The following PCDH9 variants were observed in gnomAD, a reference collection of about 807,000 sequenced individuals.
PCDH9 encodes protocadherin-9.
In PCDH9, 24 loss-of-function variants were observed where a neutral mutation model predicts 70.6. The ratio of observed to expected loss-of-function variants is 0.34; its 90% CI spans 0.25 to 0.48. The LOEUF (loss-of-function observed/expected upper bound fraction) is 0.48, where lower values mean the gene tolerates loss of function less well. Among genes scored for constraint, PCDH9 ranks in the 20% least tolerant of loss-of-function variants. The pLI, the probability that PCDH9 is intolerant of heterozygous loss-of-function variation, is 0.99. For missense variants in PCDH9, 1,281 were observed against 1,503.6 expected, an observed-to-expected ratio of 0.85 and a Z score of 2.45; for synonymous variants, 562 against 558.5, an observed-to-expected ratio of 1.01 and a Z score of -0.09.
intron 3 of PCDH9, among the ~76,000 whole-genome samples, chr13:66,682,493 A>T (rs2078341880): frequency 6.6e-6 from 1 of 152,070 alleles, no homozygotes; most frequent in Non-Finnish European, 1.5e-5. Flanking sequence ...TGTTCATTGC[A>T]GAATTTTTTC....
chr13:67,068,580 T>G (rs1242425169), intron 2 of PCDH9, among the ~76,000 whole-genome samples: 1 of 152,178 alleles, frequency 6.6e-6, no homozygotes, highest in Non-Finnish European at 1.5e-5. Context: ...AAATATTAAA[T>G]AGCCTGTTTC....
At chr13:66,727,594 G>C (rs1459100000) in intron 3 of PCDH9, among the ~76,000 whole-genome samples, 2 of 152,042 alleles carry the variant, frequency 1.3e-5, no homozygotes, top group Non-Finnish European at 2.9e-5. Context: ...TACTATGTTT[G>C]TGTGTGCCTA....
At chr13:66,995,575 G>T (rs2084097112) in intron 2 of PCDH9, among the ~76,000 whole-genome samples, 1 of 152,158 alleles carries the variant, frequency 6.6e-6, no homozygotes, top group Non-Finnish European at 1.5e-5. Context: ...AGTTAGAATT[G>T]TTCCATGTTT....
At chr13:66,358,366 G>A (rs2138187728) in intron 4 of PCDH9, among the ~76,000 whole-genome samples, 1 of 151,814 alleles carries the variant, frequency 6.6e-6, no homozygotes, top group South Asian at 2.1e-4. Context: ...AAGTAATTTA[G>A]CAGATTTCAT....
At position 66,515,705 on chromosome 13, in the gene PCDH9, T is replaced by C. The variant is rs550260863; in HGVS notation, c.3340+115505A>G. Among the ~76,000 whole-genome samples the C allele has an allele frequency of 6.8e-4, 104 of 152,088 alleles. 2 individuals carry two copies. In the South Asian group the frequency reaches 0.021, roughly 31 times the overall value. ...TAATTATAAAAGGAAAAACAGAACATACAATTTAACAAGAATGTAAATAGT... is the reference window on the plus strand; with the variant it reads ...TAATTATAAAAGGAAAAACAGAACACACAATTTAACAAGAATGTAAATAGT... On this transcript the variant is annotated intron_variant, in intron 4 of 4. Coordinates refer to ENST00000377865, the MANE Select transcript of PCDH9 (RefSeq NM_203487.3).
At chr13:66,353,717 A>C (rs2138177194) in intron 4 of PCDH9, among the ~76,000 whole-genome samples, 1 of 152,218 alleles carries the variant, frequency 6.6e-6, no homozygotes, top group African/African-American at 2.4e-5. Flanking sequence ...TCATAGTTGT[A>C]AAATGTAATA....
chr13:66,945,573 CT>C (rs1264255591), intron 2 of PCDH9, among the ~76,000 whole-genome samples: 1 of 151,992 alleles, frequency 6.6e-6, no homozygotes, highest in African/African-American at 2.4e-5. Context: ...TTTCTTTTAA[CT>C]TTATAAAATG....
At chr13:66,667,974 A>C (rs1478032440) in intron 3 of PCDH9, among the ~76,000 whole-genome samples, 1 of 152,222 alleles carries the variant, frequency 6.6e-6, no homozygotes, top group African/African-American at 2.4e-5. Context: ...GTAAATAAAA[A>C]GAATTATGTA....
intron 3 of PCDH9, among the ~76,000 whole-genome samples, chr13:66,823,421 ATAAAT>A (rs1193784637): frequency 5.9e-5 from 9 of 151,794 alleles, no homozygotes; most frequent in Non-Finnish European, 1.3e-4. Context: ...AAATATAAAG[ATAAAT>A]TATATTATAA....
intron 3 of PCDH9, among the ~76,000 whole-genome samples, chr13:66,863,589 C>G (rs1324414599): frequency 6.6e-6 from 1 of 151,976 alleles, no homozygotes; most frequent in Non-Finnish European, 1.5e-5. Flanking sequence ...GGGTTCACGC[C>G]ATTCTCTTGC....
chr13:66,834,121 T>G (rs1459347455), intron 3 of PCDH9, among the ~76,000 whole-genome samples: 2 of 152,102 alleles, frequency 1.3e-5, no homozygotes, highest in African/African-American at 4.8e-5. Flanking sequence ...CAACTTGTTA[T>G]TTGTTATCCT....
intron 2 of PCDH9, among the ~76,000 whole-genome samples, chr13:66,989,616 C>G (rs2083961772): frequency 6.6e-6 from 1 of 151,850 alleles, no homozygotes; most frequent in South Asian, 2.1e-4. Context: ...TTCATCTCAG[C>G]TTCAGCTCTA....
intron 3 of PCDH9, among the ~76,000 whole-genome samples, chr13:66,701,926 T>A (rs1472110561): frequency 6.6e-6 from 1 of 152,146 alleles, no homozygotes; most frequent in East Asian, 1.9e-4. Flanking sequence ...GGTGGAAGAG[T>A]GACGTCTAAC....
At position 66,349,041 on chromosome 13, in the gene PCDH9, A is replaced by C. The variant is rs373848545; in HGVS notation, c.3341-44013T>G. ...TGCACATTAGAAGTATCTAGAAAAT[A>C]GATTTCTGGACTCAAACCAAACATC... On this transcript the variant is annotated intron_variant, in intron 4 of 4. Coordinates refer to ENST00000377865, the MANE Select transcript of PCDH9 (RefSeq NM_203487.3). Among the ~76,000 whole-genome samples, 17 of 152,286 alleles carry C rather than the reference A, an allele frequency of 1.1e-4. 1 individual carries two copies. The highest frequency in any genetic ancestry group is 4.1e-4 in the African/African-American group (17 of 41,572).
intron 2 of PCDH9, among the ~76,000 whole-genome samples, chr13:67,126,660 C>T (rs188576266): frequency 6.6e-6 from 1 of 152,172 alleles, no homozygotes; most frequent in East Asian, 1.9e-4. Context: ...ACCAGCCTAG[C>T]CAACATGGTG....
At chr13:66,833,030 A>T (rs2080955699) in intron 3 of PCDH9, among the ~76,000 whole-genome samples, 1 of 152,002 alleles carries the variant, frequency 6.6e-6, no homozygotes, top group Admixed American at 6.6e-5. Context: ...TCTATCTCAA[A>T]GTTTTCCTTT....
At chr13:67,037,733 G>A (rs1367396754) in intron 2 of PCDH9, among the ~76,000 whole-genome samples, 1 of 152,178 alleles carries the variant, frequency 6.6e-6, no homozygotes, top group Non-Finnish European at 1.5e-5. Context: ...GGCACCAAGA[G>A]TACTGACCAA....
intron 2 of PCDH9, among the ~76,000 whole-genome samples, chr13:67,039,559 T>C (rs2085072501): frequency 6.6e-6 from 1 of 152,140 alleles, no homozygotes; most frequent in Admixed American, 6.6e-5. Context: ...AATACACCTT[T>C]CTCACTACAA....
chr13:66,730,805 A>C (rs2079062739), intron 3 of PCDH9, among the ~76,000 whole-genome samples: 1 of 148,896 alleles, frequency 6.7e-6, no homozygotes. Flanking sequence ...CAGCCTCCTG[A>C]GTAAGTAAGT....
Sources: gnomAD v4.1 joint callset for allele counts (sites outside exome capture counted in the v4.1 genomes callset) on GRCh38, gnomAD v4.1.1 for gene constraint, MANE v1.5 for transcripts, NCBI Gene and HGNC (gene_info 2026-07-23, HGNC 2026-07-21) for gene names.